SIRPA: variants seen among roughly 807,000 people sequenced by gnomAD.
SIRPA encodes the protein signal regulatory protein alpha, also known as tyrosine-protein phosphatase non-receptor type substrate 1.
A neutral mutation model predicts 50.3 loss-of-function variants in SIRPA; 9 were observed. The observed-to-expected ratio is 0.18, with a 90% CI of 0.11 to 0.31. SIRPA has a LOEUF of 0.31. SIRPA is among the 10% of genes least tolerant of loss of function. The pLI, the probability that SIRPA is intolerant of heterozygous loss-of-function variation, is 1.00. For missense variants in SIRPA, 474 were observed against 661.6 expected (o/e 0.72, Z 3.11); for synonymous variants, 265 against 284.1 (o/e 0.93, Z 0.68).
chr20:1,939,233 G>C lies in SIRPA; in HGVS notation c.*1665G>C, dbSNP rs1986759462. 6.6e-6 allele frequency: 1 copy of C among 152,204 alleles called. No individual in the cohort carries two copies. Among genetic ancestry groups the C allele is most frequent in the Admixed American group, 6.5e-5 (1 of 15,284 alleles). 9.4% of individuals were successfully genotyped at this position (152,204 alleles called of 1,614,324 possible). A position where few individuals can be genotyped will look rare whatever the true frequency, so the allele number is the denominator to read the frequency against. On this transcript the variant is annotated 3_prime_UTR_variant, in exon 8 of 8. Transcript: ENST00000358771. This position sits in a 1 kb window ranked among gnomAD's most constrained non-coding sequence, Gnocchi z 4.7. ...CTAATGTTCATGACTCCTGGCCTTG[G>C]GATGCCCAAGGGATTTCTGGCTCAG...
chr20:1,906,774 A>G (rs1403471669), intron 1 of SIRPA, among the ~76,000 whole-genome samples: 4 of 152,164 alleles, frequency 2.6e-5, no homozygotes, highest in East Asian at 1.9e-4. Flanking sequence ...AGAGGCAGGG[A>G]GGTCAGCGTG....
chr20:1,922,832 T>C (rs146039971), intron 4 of SIRPA, among the ~76,000 whole-genome samples, 187 bp downstream of exon 4: 8 of 152,334 alleles, frequency 5.3e-5, no homozygotes, highest in African/African-American at 1.9e-4. Context: ...TGGTAAGAGT[T>C]TGATGCACAT....
rs1235104329 is a variant in SIRPA at position 1,927,756 on chromosome 20, ATG to A, written c.1202-116_1202-115del. The A allele has an allele frequency of 8.0e-6, 7 of 878,158 alleles. No homozygotes were observed. In the Admixed American group the frequency reaches 1.2e-4, roughly 15 times the overall value. The allele number at this position is 878,158 out of a possible 1,614,324, so 54.4% of individuals were successfully genotyped here. A position where few individuals can be genotyped will look rare whatever the true frequency, so the allele number is the denominator to read the frequency against. ...ATGGGGGTCTCCTGTGGTTCCAAGG[ATG>A]TGATTACAGCATTTCCTCTCCATGT... On this transcript the variant is annotated intron_variant, in intron 5 of 7. Transcript: ENST00000358771. This position sits in a 1 kb window ranked among gnomAD's most constrained non-coding sequence, Gnocchi z 6.5.
In SIRPA at chr20:1,905,483, A is replaced by G. The variant is rs144002110; in HGVS notation, c.80-9616A>G. Among the ~76,000 whole-genome samples, 1,138 of 152,320 alleles carry G rather than the reference A, an allele frequency of 7.5e-3. 21 individuals carry two copies. The highest frequency in any genetic ancestry group is 0.026 in the African/African-American group (1,068 of 41,584). On this transcript the variant is annotated intron_variant, in intron 1 of 7. Transcript: ENST00000358771. ...GAGGGCTAAATGAAGGCTTCTGGTT[A>G]TCTGGCCTAACCCATGCATTTCCCC... is the stretch of plus-strand genomic sequence containing the variant.
At chr20:1,922,799 TC>T (rs1207622340) in intron 4 of SIRPA, among the ~76,000 whole-genome samples, 154 bp downstream of exon 4, 1 of 152,188 alleles carries the variant, frequency 6.6e-6, no homozygotes. Context: ...TTTCCCCAAA[TC>T]CCACACTCCA....
Position 1,921,655 on chromosome 20 carries a change from G to A in SIRPA, c.697G>A (p.Val233Ile), listed in dbSNP as rs199733185. ...HSQVICEVAHVTLQGDPLRGT... is the reference protein window; with the variant it reads ...HSQVICEVAHITLQGDPLRGT... ...TCAAGTCATCTGCGAGGTGGCCCAC[G>A]TCACCTTGCAGGGGGACCCTCTTCG... Residue 233 changes from valine (V) to isoleucine (I), a missense_variant, in exon 3 of 8, where the codon GTC becomes ATC. Physicochemically the swap from Val to Ile is conservative, Grantham distance 29. Transcript: ENST00000358771. The A allele has an allele frequency of 1.7e-5, 27 of 1,614,162 alleles. No homozygotes were observed. The highest frequency in any genetic ancestry group is 1.9e-5 in the Non-Finnish European group (22 of 1,180,004).
intron 1 of SIRPA, among the ~76,000 whole-genome samples, chr20:1,909,002 C>A (rs1984720834): frequency 6.6e-6 from 1 of 152,224 alleles, no homozygotes; most frequent in South Asian, 2.1e-4. Context: ...CATTAAATCA[C>A]ACCCAGAAGA....
upstream of SIRPA, chr20:1,894,561 C>G (rs1227343881): frequency 1.3e-5 from 2 of 150,604 alleles, no homozygotes; most frequent in East Asian, 4.0e-4. The surrounding 1 kb of genome is among the most constrained non-coding windows in gnomAD (Gnocchi z 4.0). Flanking sequence ...CGGGACCGGT[C>G]GGGGCTGGGG....
rs912442744 is a variant in SIRPA at position 1,898,362 on chromosome 20, C to T, written c.79+2836C>T. 1.7e-4 allele frequency among the ~76,000 whole-genome samples: 26 copies of T among 152,186 alleles called. No homozygotes were observed. The highest frequency in any genetic ancestry group is 2.6e-4 in the Non-Finnish European group (18 of 68,038). On this transcript the variant is annotated intron_variant, in intron 1 of 7. Coordinates refer to ENST00000358771, the MANE Select transcript of SIRPA (RefSeq NM_001040023.2). This position sits in a 1 kb window ranked among gnomAD's most constrained non-coding sequence, Gnocchi z 4.3. ...TACTTTCTGGCCTTTACCAACCCCT[C>T]GGAAACTCACGGTAATTCACGTCTG...
upstream of SIRPA, chr20:1,894,859 GGGAA>G: frequency 6.8e-6 from 1 of 147,686 alleles, no homozygotes; most frequent in African/African-American, 2.4e-5. This position sits in a 1 kb window ranked among gnomAD's most constrained non-coding sequence, Gnocchi z 4.0. Context: ...GGAGGGGAAA[GGGAA>G]GGAGGGAGGG....
At position 1,928,637 on chromosome 20, in the gene SIRPA, G is replaced by T. The variant is rs576903773; in HGVS notation, c.1226+738G>T. ...CTGCAAGGAGATGGAGGTGAATGGT[G>T]GGGGGCTGTCTTAGGCAGAGGAAGG... On this transcript the variant is annotated intron_variant, in intron 6 of 7. Coordinates refer to ENST00000358771, the MANE Select transcript of SIRPA (RefSeq NM_001040023.2). The surrounding 1 kb of genome is among the most constrained non-coding windows in gnomAD (Gnocchi z 4.9). Among the ~76,000 whole-genome samples, 1 of 152,250 alleles carries T rather than the reference G, an allele frequency of 6.6e-6. No individual in the cohort carries two copies. Among genetic ancestry groups the T allele is most frequent in the East Asian group, 1.9e-4 (1 of 5,178 alleles).
chr20:1,895,672 G>C, intron 1 of SIRPA, 146 bp downstream of exon 1: 2 of 601,534 alleles, frequency 3.3e-6, no homozygotes, highest in Non-Finnish European at 5.1e-6. Context: ...CAGAAACTGA[G>C]GCCCAGAGAG....
At chr20:1,935,410 C>G (rs1018084878) in intron 7 of SIRPA, among the ~76,000 whole-genome samples, 1 of 152,244 alleles carries the variant, frequency 6.6e-6, no homozygotes, top group Non-Finnish European at 1.5e-5. Context: ...GAACCCGGAA[C>G]GAGAGCGCGC....
chr20:1,898,578 G>C lies in SIRPA; in HGVS notation c.79+3052G>C, dbSNP rs1283350056. On this transcript the variant is annotated intron_variant, in intron 1 of 7. Coordinates refer to ENST00000358771, the MANE Select transcript of SIRPA (RefSeq NM_001040023.2). The surrounding 1 kb of genome is among the most constrained non-coding windows in gnomAD (Gnocchi z 4.3). ...ATGCAGAAAATCGAGTCCCAAACTG[G>C]GGAACTAACTTATAAGTGATAGAGA... Among the ~76,000 whole-genome samples, 1 of 152,056 alleles carries C rather than the reference G, an allele frequency of 6.6e-6. No individual in the cohort carries two copies. Among genetic ancestry groups the C allele is most frequent in the Non-Finnish European group, 1.5e-5 (1 of 68,022 alleles).
In SIRPA at chr20:1,898,325, GT is replaced by G. The variant is rs1983950905; in HGVS notation, c.79+2803del. Among the ~76,000 whole-genome samples the G allele has an allele frequency of 6.6e-6, 1 of 152,212 alleles. No homozygotes were observed. The highest frequency in any genetic ancestry group is 1.5e-5 in the Non-Finnish European group (1 of 68,044). On this transcript the variant is annotated intron_variant, in intron 1 of 7. Coordinates refer to ENST00000358771, the MANE Select transcript of SIRPA (RefSeq NM_001040023.2). This position sits in a 1 kb window ranked among gnomAD's most constrained non-coding sequence, Gnocchi z 4.3. ...TGTTGGAAGTTCCTTTAAAGCCATA[GT>G]TTTCTCTGAGTACTTTCTGGCCTTT...
chr20:1,921,151 C>T (rs1985624906), intron 2 of SIRPA, among the ~76,000 whole-genome samples: 1 of 152,200 alleles, frequency 6.6e-6, no homozygotes, highest in Non-Finnish European at 1.5e-5. Flanking sequence ...GAAGTTTGAA[C>T]TCAGGCCTGG....
chr20:1,918,209 T>C (rs1985415052), intron 2 of SIRPA, among the ~76,000 whole-genome samples: 1 of 152,020 alleles, frequency 6.6e-6, no homozygotes, highest in Non-Finnish European at 1.5e-5. Context: ...GTTTTTTCTT[T>C]TTTTTTGAGA....
At chr20:1,920,951 C>A (rs1221168640) in intron 2 of SIRPA, among the ~76,000 whole-genome samples, 1 of 152,238 alleles carries the variant, frequency 6.6e-6, no homozygotes, top group Non-Finnish European at 1.5e-5. Flanking sequence ...GGCTGAGCGG[C>A]CTGGTTCCAG....
intron 1 of SIRPA, among the ~76,000 whole-genome samples, chr20:1,912,551 C>A (rs1984955093): frequency 6.6e-6 from 1 of 152,268 alleles, no homozygotes; most frequent in Non-Finnish European, 1.5e-5. Context: ...GTGGATCCTA[C>A]ATCCTACTAT....
Sources: allele counts gnomAD v4.1 joint callset (sites outside exome capture counted in the v4.1 genomes callset), GRCh38; gene constraint gnomAD v4.1.1; non-coding constraint Gnocchi (gnomAD v3.1); transcripts MANE v1.5; gene names NCBI Gene and HGNC (gene_info 2026-07-23, HGNC 2026-07-21).